Variants in TECR observed in about 807,000 individuals in gnomAD.
TECR encodes very-long-chain enoyl-CoA reductase.
In TECR, 19 loss-of-function variants were observed where a neutral mutation model predicts 50.6. The ratio of observed to expected loss-of-function variants is 0.38; its 90% CI spans 0.26 to 0.55. TECR has a LOEUF of 0.55. Ranked by LOEUF, TECR falls within the 20% of genes least tolerant of loss-of-function variation. The pLI, the probability that TECR is intolerant of heterozygous loss-of-function variation, is 0.79. For synonymous variants in TECR, 168 were observed against 163.5 expected (o/e 1.03, Z -0.21); for missense variants, 313 against 408.3 (o/e 0.77, Z 2.01).
chr19:14,563,932 T>C lies in TECR; in HGVS notation c.267+29T>C. The C allele has an allele frequency of 6.2e-7, 1 of 1,613,980 alleles. No homozygotes were observed. Among genetic ancestry groups the C allele is most frequent in the South Asian group, 1.1e-5 (1 of 91,086 alleles). ...AGTCCTGACCCTACCCACGGCCTCTTTTCCCGTCAGCCACGTTGGGTGACT... is the reference window on the plus strand; with the variant it reads ...AGTCCTGACCCTACCCACGGCCTCTCTTCCCGTCAGCCACGTTGGGTGACT... On this transcript the variant is annotated intron_variant, in intron 5 of 12. Transcript: ENST00000215567. The surrounding 1 kb of genome is among the most constrained non-coding windows in gnomAD (Gnocchi z 5.3).
At chr19:14,528,481 GC>G (rs921824441), upstream of TECR, among the ~76,000 whole-genome samples, 1 of 151,662 alleles carries the variant, frequency 6.6e-6, no homozygotes, top group South Asian at 2.1e-4. Context: ...CTCGTGATCT[GC>G]CCCCCTCGGC....
rs956484051 is a variant in TECR at position 14,529,683 on chromosome 19, C to T, written c.-14C>T. ...GCAGCAGCCGCGGAGCAGTAGCCGC[C>T]GTGGGAGGGAGCCATGAAGCATTAC... On this transcript the variant is annotated 5_prime_UTR_variant, in exon 1 of 13. Transcript: ENST00000215567. 5 of 1,613,784 alleles carry T rather than the reference C, an allele frequency of 3.1e-6. No homozygotes were observed. The African/African-American group carries it at 4.0e-5, about 13-fold the overall frequency.
At chr19:14,561,498 GA>G (rs2073900799) in intron 1 of TECR, among the ~76,000 whole-genome samples, 1 of 152,184 alleles carries the variant, frequency 6.6e-6, no homozygotes, top group South Asian at 2.1e-4. Flanking sequence ...GGCTGGGCCA[GA>G]CTCCTACCTC....
Position 14,563,143 on chromosome 19 carries a change from C to A in TECR, c.67-63C>A, listed in dbSNP as rs2073953381. The A allele has an allele frequency of 1.2e-6, 2 of 1,611,888 alleles. No homozygotes were observed. Among genetic ancestry groups the A allele is most frequent in the Admixed American group, 3.3e-5 (2 of 59,852 alleles). ...CCCCAGCCTGCCATCCCCTTTAGTA[C>A]CTCCCCATCCTGAGTCTGGGCTCCC... On this transcript the variant is annotated intron_variant, in intron 2 of 12. Transcript: ENST00000215567. The surrounding 1 kb of genome is among the most constrained non-coding windows in gnomAD (Gnocchi z 5.3).
chr19:14,529,914 C>T (rs559207042), intron 1 of TECR: 6 of 739,622 alleles, frequency 8.1e-6, no homozygotes, highest in African/African-American at 1.8e-5. Context: ...AATCTGCAAC[C>T]CAGGCTGTTT....
chr19:14,564,414 GC>G, intron 7 of TECR, 127 bp downstream of exon 7: 1 of 800,430 alleles, frequency 1.2e-6, no homozygotes, highest in Non-Finnish European at 2.0e-6. Flanking sequence ...CTACCCCTAG[GC>G]CCCGCCTAAC....
intron 1 of TECR, among the ~76,000 whole-genome samples, chr19:14,553,036 G>C (rs535151627): frequency 6.6e-6 from 1 of 152,150 alleles, no homozygotes. Context: ...ACTGAGAATG[G>C]GGGGCAGGCC....
At chr19:14,562,635 T>C in intron 2 of TECR, 60 bp downstream of exon 2, 1 of 1,595,580 alleles carries the variant, frequency 6.3e-7, no homozygotes, top group Non-Finnish European at 8.6e-7. Flanking sequence ...CCCCAATCCT[T>C]ATAGCCCAGG....
chr19:14,557,924 T>A (rs2073787590), intron 1 of TECR, among the ~76,000 whole-genome samples: 1 of 151,578 alleles, frequency 6.6e-6, no homozygotes. Flanking sequence ...CCCGGCTAAT[T>A]TTTTGTATTT....
At chr19:14,543,501 CGATCT>C (rs1274654410) in intron 1 of TECR, among the ~76,000 whole-genome samples, 1 of 116,036 alleles carries the variant, frequency 8.6e-6, no homozygotes, top group Non-Finnish European at 1.7e-5. Flanking sequence ...TGCAGTGGCG[CGATCT>C]AGGCTCACTG....
intron 1 of TECR, among the ~76,000 whole-genome samples, chr19:14,556,515 C>T (rs1311090101): frequency 1.3e-5 from 2 of 152,112 alleles, no homozygotes; most frequent in Non-Finnish European, 2.9e-5. Context: ...TCTGCCCCCA[C>T]CCCCTGCTTG....
intron 1 of TECR, among the ~76,000 whole-genome samples, chr19:14,559,339 T>TC (rs897070984): frequency 2.6e-5 from 4 of 151,588 alleles, no homozygotes; most frequent in Admixed American, 2.0e-4. Context: ...CACTCCCCAT[T>TC]CCCCCCGCCC....
At chr19:14,531,561 TAC>T (rs1173948419) in intron 1 of TECR, 2 of 152,122 alleles carry the variant, frequency 1.3e-5, no homozygotes, top group African/African-American at 4.8e-5. Context: ...TAGCCGGAAT[TAC>T]AGTCATGAGC....
At chr19:14,556,613 A>G (rs928424586) in intron 1 of TECR, among the ~76,000 whole-genome samples, 1 of 152,088 alleles carries the variant, frequency 6.6e-6, no homozygotes, top group South Asian at 2.1e-4. Flanking sequence ...GAACTGGAAC[A>G]GTGCCTGGGG....
intron 7 of TECR, 76 bp downstream of exon 7, chr19:14,564,363 C>T: frequency 2.5e-6 from 3 of 1,208,730 alleles, no homozygotes; most frequent in Non-Finnish European, 3.5e-6. Flanking sequence ...CGAGCCCCAC[C>T]CCAAGGCCCT....
chr19:14,564,571 C>T, intron 7 of TECR: 1 of 592,194 alleles, frequency 1.7e-6, no homozygotes, highest in Non-Finnish European at 3.0e-6. Context: ...CAGAGCCCCG[C>T]CCCAGTTTCA....
Position 14,564,051 on chromosome 19 carries a change from T to A in TECR, c.337T>A (p.Tyr113Asn). The A allele has an allele frequency of 6.2e-7, 1 of 1,613,830 alleles. No homozygotes were observed. The highest frequency in any genetic ancestry group is 8.5e-7 in the Non-Finnish European group (1 of 1,179,928). Residue 113 changes from tyrosine (Y) to asparagine (N), a missense_variant, in exon 6 of 13, where the codon TAT becomes AAT. Tyr to Asn is a moderately radical substitution (Grantham distance 143, BLOSUM62 -2). Transcript: ENST00000215567. ...LLFYFRVPFI[Y>N]GHKYDFTSSR... ...CTTCTACTTCCGAGTGCCCTTCATC[T>A]ATGGCCACAAATATGACTTTACGTC...
At chr19:14,559,932 G>A (rs1383226618) in intron 1 of TECR, among the ~76,000 whole-genome samples, 2 of 152,132 alleles carry the variant, frequency 1.3e-5, no homozygotes, top group Non-Finnish European at 2.9e-5. Context: ...GGAGACGGAC[G>A]GCCGTCCCAC....
At position 14,563,027 on chromosome 19, in the gene TECR, C is replaced by A; in HGVS notation, c.67-179C>A. ...GTGGAGCCCCAGACCCCTGCTGTCA[C>A]TGCACTGGCAGGGCCCTCGGTGGTC... On this transcript the variant is annotated intron_variant, in intron 2 of 12. Coordinates refer to ENST00000215567, the MANE Select transcript of TECR (RefSeq NM_138501.6). This position sits in a 1 kb window ranked among gnomAD's most constrained non-coding sequence, Gnocchi z 5.3. The A allele has an allele frequency of 1.1e-5, 8 of 709,916 alleles. No homozygotes were observed. In the South Asian group the frequency reaches 1.3e-4, roughly 11 times the overall value. 44.0% of individuals were successfully genotyped at this position (709,916 alleles called of 1,614,324 possible).
Sources: allele counts gnomAD v4.1 joint callset (sites outside exome capture counted in the v4.1 genomes callset), GRCh38; gene constraint gnomAD v4.1.1; non-coding constraint Gnocchi (gnomAD v3.1); transcripts MANE v1.5; gene names NCBI Gene and HGNC (gene_info 2026-07-23, HGNC 2026-07-21).